The following LRRK1 variants were observed in gnomAD, a reference collection of about 807,000 sequenced individuals.
The protein encoded by LRRK1 is leucine rich repeat kinase 1, also known as leucine-rich repeat serine/threonine-protein kinase 1.
A neutral mutation model predicts 209.1 loss-of-function variants in LRRK1; 113 were observed. That is an observed-to-expected ratio of 0.54 (90% CI 0.46 to 0.63). The LOEUF is 0.63. Ranked by LOEUF, LRRK1 falls within the 30% of genes least tolerant of loss-of-function variation. The probability of loss-of-function intolerance (pLI) is 0.00; values close to 1 mark genes in which losing one functional copy is unlikely to be tolerated. For synonymous variants in LRRK1, 1,144 were observed against 1,099.7 expected (o/e 1.04, Z -0.80); for missense variants, 2,284 against 2,632.2 (o/e 0.87, Z 2.89).
At chr15:100,924,368 C>G (rs1226606310) in intron 1 of LRRK1, 143 bp from the exon 2 acceptor site, 29 of 460,116 alleles carry the variant, frequency 6.3e-5, no homozygotes, top group Non-Finnish European at 1.2e-4. Flanking sequence ...TCCCACTGAC[C>G]ACACCTGATG....
chr15:100,947,487 A>T (rs2042565618), intron 2 of LRRK1, among the ~76,000 whole-genome samples: 1 of 152,150 alleles, frequency 6.6e-6, no homozygotes. Context: ...CTTTATATAT[A>T]TTTTTTATTC....
rs1050947604 is a variant in LRRK1 at position 100,992,990 on chromosome 15, T to C, written c.762+3592T>C. Among the ~76,000 whole-genome samples, 4 of 152,248 alleles carry C rather than the reference T, an allele frequency of 2.6e-5. No homozygotes were observed. In the South Asian group the frequency reaches 8.3e-4, roughly 32 times the overall value. On this transcript the variant is annotated intron_variant, in intron 6 of 33. Coordinates refer to ENST00000388948, the MANE Select transcript of LRRK1 (RefSeq NM_024652.6). The stretch of plus-strand genomic sequence containing the variant: ...TGTTCTTTTTTGAGAGTTTTGTTGA[T>C]GGTGTTGAGGTTAAAGCAAGGCCTT...
intron 3 of LRRK1, among the ~76,000 whole-genome samples, chr15:100,979,042 C>A (rs1169045373): frequency 2.0e-5 from 3 of 152,112 alleles, no homozygotes; most frequent in Admixed American, 6.5e-5. Context: ...AATTATAAGC[C>A]ATGACCAAGT....
At chr15:100,983,799 G>A (rs2031728818) in intron 4 of LRRK1, 100 bp downstream of exon 4, 3 of 1,225,812 alleles carry the variant, frequency 2.4e-6, no homozygotes, top group Non-Finnish European at 3.6e-6. Flanking sequence ...CCAATAATGA[G>A]ATCAAGAAAT....
In LRRK1 at chr15:101,022,662, C is replaced by G. The variant is rs1272439926; in HGVS notation, c.2067+65C>G. The G allele has an allele frequency of 3.4e-6, 4 of 1,191,100 alleles. No individual in the cohort carries two copies. In the African/African-American group the frequency reaches 6.0e-5, roughly 18 times the overall value. The allele number at this position is 1,191,100 out of a possible 1,614,324, so 73.8% of individuals were successfully genotyped here. On this transcript the variant is annotated intron_variant, in intron 15 of 33. Coordinates refer to ENST00000388948, the MANE Select transcript of LRRK1 (RefSeq NM_024652.6). The surrounding 1 kb of genome is among the most constrained non-coding windows in gnomAD (Gnocchi z 4.0). ...GGAACATCCCTTGGACTCCTTCTCC[C>G]TTCTCCCCAGAGAGCCCAGGATTTT...
intron 6 of LRRK1, among the ~76,000 whole-genome samples, chr15:101,008,214 G>T (rs530099686): frequency 6.7e-6 from 1 of 149,482 alleles, no homozygotes; most frequent in South Asian, 2.1e-4. Context: ...TTCCCGGGCT[G>T]TTTGCTATAG....
intron 29 of LRRK1, 109 bp from the exon 30 acceptor site, chr15:101,061,062 G>C: frequency 1.3e-6 from 1 of 797,980 alleles, no homozygotes; most frequent in Non-Finnish European, 2.2e-6. Flanking sequence ...TGCAACCCTG[G>C]GTGGGAGCAG....
rs552038861 is a variant in LRRK1, at chr15:101,069,809, G to A, written c.*961G>A. On this transcript the variant is annotated 3_prime_UTR_variant, in exon 34 of 34. Coordinates refer to ENST00000388948, the MANE Select transcript of LRRK1 (RefSeq NM_024652.6). ...ACTGCACACGTGTACAGCGGAGTACGAAAAGGAACGTTGTCCACAGGGGAT... is the reference window on the plus strand; with the variant it reads ...ACTGCACACGTGTACAGCGGAGTACAAAAAGGAACGTTGTCCACAGGGGAT... 1.2e-4 allele frequency: 19 copies of A among 152,682 alleles called. No homozygotes were observed. The highest frequency in any genetic ancestry group is 3.8e-4 in the African/African-American group (16 of 41,584). The allele number at this position is 152,682 out of a possible 1,614,324, so 9.5% of individuals were successfully genotyped here. A position where few individuals can be genotyped will look rare whatever the true frequency, so the allele number is the denominator to read the frequency against.
chr15:100,977,630 C>G (rs2031371956), intron 3 of LRRK1, among the ~76,000 whole-genome samples: 1 of 152,198 alleles, frequency 6.6e-6, no homozygotes. Context: ...CCAGCAATAG[C>G]AAGGAGCCCC....
intron 19 of LRRK1, 80 bp from the exon 20 acceptor site, chr15:101,028,876 C>G (rs1248444526): frequency 1.2e-5 from 18 of 1,457,732 alleles, no homozygotes; most frequent in Non-Finnish European, 1.7e-5. Context: ...GACCTGGGTC[C>G]TCTTGGAAAG....
At chr15:101,014,046 C>A (rs1596274605) in intron 10 of LRRK1, among the ~76,000 whole-genome samples, 1 of 152,268 alleles carries the variant, frequency 6.6e-6, no homozygotes, top group Middle Eastern at 3.4e-3. Flanking sequence ...ATGCTGACAG[C>A]TGCTTGGGCT....
intron 6 of LRRK1, among the ~76,000 whole-genome samples, chr15:101,001,374 C>G (rs1286891155): frequency 6.6e-6 from 1 of 152,192 alleles, no homozygotes; most frequent in Non-Finnish European, 1.5e-5. Context: ...TGGGATGAGC[C>G]TTCAGATGCC....
chr15:101,036,988 C>G (rs918480178), intron 20 of LRRK1, among the ~76,000 whole-genome samples: 4 of 152,172 alleles, frequency 2.6e-5, no homozygotes, highest in Admixed American at 6.5e-5. Flanking sequence ...TCTTTGGGCC[C>G]CAGTGGTGGC....
chr15:101,054,386 G>A (rs2035669113), intron 26 of LRRK1, among the ~76,000 whole-genome samples: 1 of 152,188 alleles, frequency 6.6e-6, no homozygotes, highest in Admixed American at 6.5e-5. Flanking sequence ...GCAATTCCAG[G>A]AATAAGATAT....
chr15:100,923,136 G>A (rs1406912349), intron 1 of LRRK1, among the ~76,000 whole-genome samples: 2 of 152,168 alleles, frequency 1.3e-5, no homozygotes, highest in Admixed American at 1.3e-4. Flanking sequence ...GGTACTACAG[G>A]TAATGACCAC....
intron 6 of LRRK1, among the ~76,000 whole-genome samples, chr15:100,997,947 A>T (rs950915337): frequency 1.3e-5 from 2 of 152,250 alleles, no homozygotes; most frequent in Admixed American, 6.5e-5. Flanking sequence ...TGGGAGGCCA[A>T]GGTGGTGGAT....
At chr15:101,006,142 C>G (rs545133159) in intron 6 of LRRK1, among the ~76,000 whole-genome samples, 44 of 152,252 alleles carry the variant, frequency 2.9e-4, no homozygotes, top group African/African-American at 1.0e-3. Flanking sequence ...CAGGGCACCA[C>G]CTGTAGCAGG....
Position 100,983,533 on chromosome 15 carries a change from G to A in LRRK1, c.267G>A (p.Gln89=), listed in dbSNP as rs1208045067. ...DQCASQLEKG[Q]LLSIPAAYGD... ...CCCTGTTCTGTTTTGACCAGGGCCAGCTTCTGAGCATCCCGGCAGCCTATG... is the reference window on the plus strand; with the variant it reads ...CCCTGTTCTGTTTTGACCAGGGCCAACTTCTGAGCATCCCGGCAGCCTATG... The change falls in exon 4 of 34, where the codon CAG becomes CAA. Residue 89 remains glutamine, a synonymous_variant. Transcript: ENST00000388948. 4 of 1,596,048 alleles carry A rather than the reference G, an allele frequency of 2.5e-6. No homozygotes were observed. Among genetic ancestry groups the A allele is most frequent in the African/African-American group, 1.4e-5 (1 of 74,066 alleles).
chr15:100,934,722 G>A (rs1389589167), intron 2 of LRRK1, among the ~76,000 whole-genome samples: 1 of 146,656 alleles, frequency 6.8e-6, no homozygotes, highest in African/African-American at 2.5e-5. Flanking sequence ...AGGATTGTTT[G>A]AGCCTAGGAG....
Sources: gnomAD v4.1 joint callset for allele counts (sites outside exome capture counted in the v4.1 genomes callset) on GRCh38, gnomAD v4.1.1 for gene constraint, Gnocchi (gnomAD v3.1) non-coding constraint, MANE v1.5 for transcripts, NCBI Gene and HGNC (gene_info 2026-07-23, HGNC 2026-07-21) for gene names.